The following CCDC126 variants were observed in gnomAD, a reference collection of about 807,000 sequenced individuals.
The protein encoded by CCDC126 is coiled-coil domain-containing protein 126.
A neutral mutation model predicts 11.7 loss-of-function variants in CCDC126; 5 were observed. The observed-to-expected ratio is 0.43, with a 90% CI of 0.22 to 0.90. The LOEUF is 0.90. CCDC126 is among the 40% of genes least tolerant of loss of function. The pLI, the probability that CCDC126 is intolerant of heterozygous loss-of-function variation, is 0.27. For missense variants in CCDC126, 150 were observed against 163.1 expected, an observed-to-expected ratio of 0.92 and a Z score of 0.44; for synonymous variants, 60 against 61.9, an observed-to-expected ratio of 0.97 and a Z score of 0.14.
chr7:23,609,155 T>G (rs1273174112), intron 2 of CCDC126, among the ~76,000 whole-genome samples: 1 of 152,152 alleles, frequency 6.6e-6, no homozygotes, highest in East Asian at 1.9e-4. Context: ...TTTTGCAGCC[T>G]CCAGCTGTGT....
intron 3 of CCDC126, among the ~76,000 whole-genome samples, chr7:23,635,031 A>G (rs890277966): frequency 6.6e-6 from 1 of 152,220 alleles, no homozygotes; most frequent in Non-Finnish European, 1.5e-5. Flanking sequence ...GTGCTATGAA[A>G]TAATCAGGCT....
At chr7:23,622,474 C>T in intron 3 of CCDC126, 9 of 421,278 alleles carry the variant, frequency 2.1e-5, no homozygotes, top group South Asian at 3.9e-5. Flanking sequence ...TCTCTGATAC[C>T]AACTTTATCA....
intron 3 of CCDC126, among the ~76,000 whole-genome samples, chr7:23,638,727 T>TAAAAAAAAAA (rs70954398): frequency 6.7e-5 from 6 of 89,656 alleles, no homozygotes; most frequent in Non-Finnish European, 1.1e-4. Flanking sequence ...AAAAAAAAAT[T>TAAAAAAAAAA]AAAAAAAAAA....
chr7:23,608,210 C>T (rs1254148049), intron 2 of CCDC126, among the ~76,000 whole-genome samples: 2 of 152,158 alleles, frequency 1.3e-5, no homozygotes, highest in East Asian at 1.9e-4. Flanking sequence ...TACTGTGCAT[C>T]CTCTGTAGAC....
intron 2 of CCDC126, among the ~76,000 whole-genome samples, chr7:23,607,871 A>C (rs543618773): frequency 1.3e-5 from 2 of 152,236 alleles, no homozygotes; most frequent in African/African-American, 4.8e-5. Context: ...TGGAAAGGAG[A>C]GCTTTATTTC....
At chr7:23,635,883 C>T (rs1465329269) in intron 3 of CCDC126, among the ~76,000 whole-genome samples, 1 of 152,166 alleles carries the variant, frequency 6.6e-6, no homozygotes, top group Admixed American at 6.5e-5. Context: ...CTCTCCCTCT[C>T]CCTCTCCCTC....
chr7:23,639,891 TAAGGC>T (rs1318872472), intron 3 of CCDC126, among the ~76,000 whole-genome samples: 2 of 152,294 alleles, frequency 1.3e-5, no homozygotes, highest in Non-Finnish European at 2.9e-5. Flanking sequence ...AAATAATTTT[TAAGGC>T]TGGCTGCGGT....
At chr7:23,636,161 CAG>C (rs1783206734) in intron 3 of CCDC126, among the ~76,000 whole-genome samples, 1 of 152,220 alleles carries the variant, frequency 6.6e-6, no homozygotes, top group Non-Finnish European at 1.5e-5. Flanking sequence ...CTCGTTCACT[CAG>C]TGCTCAATGG....
chr7:23,640,287 C>T (rs980799317), intron 3 of CCDC126, among the ~76,000 whole-genome samples: 6 of 151,722 alleles, frequency 4.0e-5, no homozygotes, highest in African/African-American at 1.2e-4. Context: ...CACCTGAGAT[C>T]GGGAGTTCGA....
chr7:23,630,730 A>G (rs1364449053), intron 3 of CCDC126, among the ~76,000 whole-genome samples: 1 of 150,084 alleles, frequency 6.7e-6, no homozygotes, highest in East Asian at 1.9e-4. Flanking sequence ...AAAAAAAAAA[A>G]AAAAAAAAAA....
chr7:23,610,558 G>T (rs888504843), intron 2 of CCDC126, among the ~76,000 whole-genome samples: 1 of 152,032 alleles, frequency 6.6e-6, no homozygotes, highest in Non-Finnish European at 1.5e-5. Flanking sequence ...CATTCTTTAT[G>T]TCTGGCATAT....
chr7:23,630,704 G>C (rs1375483085), intron 3 of CCDC126, among the ~76,000 whole-genome samples: 1 of 102,928 alleles, frequency 9.7e-6, no homozygotes, highest in East Asian at 3.2e-4. Flanking sequence ...AGGTGACAGA[G>C]CAAGACCCTA....
chr7:23,613,451 C>T (rs1479715202), intron 3 of CCDC126, among the ~76,000 whole-genome samples: 1 of 152,136 alleles, frequency 6.6e-6, no homozygotes, highest in Non-Finnish European at 1.5e-5. Context: ...TAAATTCTTT[C>T]ATCTCATTTT....
rs775279967 is a variant in CCDC126, at chr7:23,630,718, C to CAAA, written c.239-12186_239-12184dup. Among the ~76,000 whole-genome samples, 26 of 25,526 alleles carry CAAA rather than the reference C, an allele frequency of 1.0e-3. 1 individual carries two copies. The highest frequency in any genetic ancestry group is 2.3e-3 in the African/African-American group (18 of 7,744). The allele number at this position is 25,526 out of a possible 152,430, so 16.7% of individuals were successfully genotyped here. ...TAGGTGACAGAGCAAGACCCTATCT[C>CAAA]AAAAAAAAAAAAAAAAAAAAAAAAA... On this transcript the variant is annotated intron_variant, in intron 3 of 3. Coordinates refer to ENST00000307471, the MANE Select transcript of CCDC126 (RefSeq NM_138771.4).
intron 3 of CCDC126, among the ~76,000 whole-genome samples, chr7:23,642,670 C>T (rs569912961): frequency 2.7e-5 from 4 of 150,878 alleles, no homozygotes; most frequent in Non-Finnish European, 4.4e-5. Context: ...GGCTGAGGCA[C>T]GAGAATCGCT....
At chr7:23,606,442 T>G (rs1782625175) in intron 2 of CCDC126, among the ~76,000 whole-genome samples, 1 of 152,020 alleles carries the variant, frequency 6.6e-6, no homozygotes, top group Non-Finnish European at 1.5e-5. Context: ...GAATTATGAG[T>G]TTTGTTTTTG....
intron 3 of CCDC126, among the ~76,000 whole-genome samples, chr7:23,630,077 CCTATGAA>C (rs1783082947): frequency 6.6e-6 from 1 of 152,134 alleles, no homozygotes; most frequent in Admixed American, 6.6e-5. Flanking sequence ...ACCAGCCTTA[CCTATGAA>C]AGACAAGTTT....
rs754640145 is a variant in CCDC126 at position 23,611,357 on chromosome 7, G to A, written c.42G>A (p.Leu14=). 6.2e-7 allele frequency: 1 copy of A among 1,613,092 alleles called. No homozygotes were observed. The highest frequency in any genetic ancestry group is 1.1e-5 in the South Asian group (1 of 90,938). The change falls in exon 3 of 4, where the codon TTG becomes TTA. Residue 14 remains leucine (L), a synonymous_variant. Coordinates refer to ENST00000307471, the MANE Select transcript of CCDC126 (RefSeq NM_138771.4). ...CAAGAAAAAATATGTCCCAGAAATTGAGTTTACTGTTGCTTGTATTTGGAC... is the reference window on the plus strand; with the variant it reads ...CAAGAAAAAATATGTCCCAGAAATTAAGTTTACTGTTGCTTGTATTTGGAC... ...TISRKNMSQK[L]SLLLLVFGLI...
chr7:23,640,851 T>A (rs1375708386), intron 3 of CCDC126, among the ~76,000 whole-genome samples: 2 of 152,236 alleles, frequency 1.3e-5, no homozygotes, highest in Non-Finnish European at 2.9e-5. Context: ...AATATTCCAT[T>A]GTATTTACAT....
Sources: gnomAD v4.1 joint callset for allele counts (sites outside exome capture counted in the v4.1 genomes callset) on GRCh38, gnomAD v4.1.1 for gene constraint, MANE v1.5 for transcripts, NCBI Gene and HGNC (gene_info 2026-07-23, HGNC 2026-07-21) for gene names.